TNIK: variants seen among roughly 807,000 people sequenced by gnomAD.
TNIK encodes the protein TRAF2 and NCK-interacting protein kinase.
TNIK carries 49 observed loss-of-function variants against 191.3 expected under a neutral mutation model. That is an observed-to-expected ratio of 0.26 (90% CI 0.20 to 0.32). TNIK has a LOEUF of 0.32. TNIK is among the 10% of genes least tolerant of loss of function. The pLI is 1.00. For missense variants in TNIK, 1,155 were observed against 1,702.3 expected (o/e 0.68, Z 5.66); for synonymous variants, 594 against 600.9 (o/e 0.99, Z 0.17).
intron 2 of TNIK, among the ~76,000 whole-genome samples, chr3:171,309,979 T>C (rs1355985986): frequency 6.6e-6 from 1 of 152,174 alleles, no homozygotes; most frequent in African/African-American, 2.4e-5. Flanking sequence ...AAATCCTTTT[T>C]CTGAAATCCC....
intron 3 of TNIK, among the ~76,000 whole-genome samples, chr3:171,220,883 G>T (rs542042374): frequency 1.3e-5 from 2 of 152,250 alleles, no homozygotes; most frequent in East Asian, 3.9e-4. Context: ...TTGCACTTAA[G>T]CAATGTATCT....
chr3:171,418,622 A>G (rs1329105115), intron 1 of TNIK, among the ~76,000 whole-genome samples: 1 of 152,242 alleles, frequency 6.6e-6, no homozygotes, highest in African/African-American at 2.4e-5. Flanking sequence ...TGAAATTTCC[A>G]GAACAGAGAA....
chr3:171,256,182 T>C (rs1367023958), intron 2 of TNIK, among the ~76,000 whole-genome samples: 1 of 152,224 alleles, frequency 6.6e-6, no homozygotes, highest in African/African-American at 2.4e-5. Context: ...CCTTGTTTTT[T>C]TTCATCAATT....
intron 28 of TNIK, among the ~76,000 whole-genome samples, chr3:171,073,704 C>T (rs1269466846): frequency 6.6e-6 from 1 of 152,058 alleles, no homozygotes; most frequent in Non-Finnish European, 1.5e-5. Flanking sequence ...GACATGAACA[C>T]ACATTTCTCA....
chr3:171,374,378 G>A (rs1356332360), intron 1 of TNIK, among the ~76,000 whole-genome samples: 1 of 152,188 alleles, frequency 6.6e-6, no homozygotes, highest in Non-Finnish European at 1.5e-5. Context: ...CCAACAGAAT[G>A]TGCAGCAAGG....
intron 1 of TNIK, among the ~76,000 whole-genome samples, chr3:171,431,054 G>A (rs952641122): frequency 2.6e-5 from 4 of 152,026 alleles, no homozygotes; most frequent in African/African-American, 9.7e-5. Context: ...TCATAGGTCC[G>A]TCCTGCTTGT....
chr3:171,232,412 G>GATA (rs1251592283), intron 2 of TNIK, among the ~76,000 whole-genome samples: 1 of 151,656 alleles, frequency 6.6e-6, no homozygotes, highest in Non-Finnish European at 1.5e-5. Context: ...TCTAAAAGGA[G>GATA]ATAAAAGAGT....
chr3:171,364,741 A>G (rs1715454457), intron 2 of TNIK, among the ~76,000 whole-genome samples: 1 of 152,184 alleles, frequency 6.6e-6, no homozygotes, highest in African/African-American at 2.4e-5. Context: ...AAGCAGAGGC[A>G]GTGGCTAGCT....
intron 16 of TNIK, among the ~76,000 whole-genome samples, chr3:171,127,781 A>G (rs1015793501): frequency 5.9e-5 from 9 of 152,246 alleles, no homozygotes; most frequent in African/African-American, 2.2e-4. Context: ...AGGCAAACTG[A>G]AAACACAAAG....
intron 2 of TNIK, among the ~76,000 whole-genome samples, chr3:171,275,312 T>C (rs1749597448): frequency 6.6e-6 from 1 of 152,072 alleles, no homozygotes; most frequent in South Asian, 2.1e-4. Flanking sequence ...ACCAGTTATA[T>C]GAAGAAAGCC....
At chr3:171,294,747 G>A (rs1752070832) in intron 2 of TNIK, among the ~76,000 whole-genome samples, 1 of 151,874 alleles carries the variant, frequency 6.6e-6, no homozygotes, top group African/African-American at 2.4e-5. Context: ...AATAATGAAT[G>A]ACAGTATAAG....
intron 1 of TNIK, among the ~76,000 whole-genome samples, chr3:171,431,544 C>T (rs1725395581): frequency 6.6e-6 from 1 of 151,906 alleles, no homozygotes; most frequent in African/African-American, 2.4e-5. Context: ...TTTAATGAGC[C>T]TACATTAAGT....
At chr3:171,099,187 A>T (rs1576800216) in intron 22 of TNIK, among the ~76,000 whole-genome samples, 1 of 152,016 alleles carries the variant, frequency 6.6e-6, no homozygotes, top group African/African-American at 2.4e-5. Context: ...TCTCCCTCAA[A>T]TATAACACTG....
intron 22 of TNIK, among the ~76,000 whole-genome samples, chr3:171,099,521 C>T (rs371864929): frequency 2.6e-5 from 4 of 152,158 alleles, no homozygotes; most frequent in South Asian, 2.1e-4. Flanking sequence ...CACCATGGAA[C>T]GTGTTAAGAG....
At chr3:171,271,209 C>T (rs1182734778) in intron 2 of TNIK, among the ~76,000 whole-genome samples, 1 of 152,210 alleles carries the variant, frequency 6.6e-6, no homozygotes, top group Admixed American at 6.5e-5. Flanking sequence ...ACGTTTCCTA[C>T]CTGTGTTGCC....
intron 2 of TNIK, among the ~76,000 whole-genome samples, chr3:171,287,214 CA>C (rs571026273): frequency 4.0e-5 from 6 of 151,404 alleles, no homozygotes; most frequent in African/African-American, 1.2e-4. Context: ...ACAGAAACAA[CA>C]AAAAAAACCC....
intron 12 of TNIK, among the ~76,000 whole-genome samples, chr3:171,144,501 CAT>C (rs2108650877): frequency 6.6e-6 from 1 of 152,172 alleles, no homozygotes; most frequent in African/African-American, 2.4e-5. Flanking sequence ...TTATGATTGA[CAT>C]GTAATAATTG....
chr3:171,296,961 A>C (rs995312758), intron 2 of TNIK, among the ~76,000 whole-genome samples: 2 of 152,176 alleles, frequency 1.3e-5, no homozygotes, highest in Non-Finnish European at 2.9e-5. Context: ...ATATAACAGG[A>C]AGAACTTAAT....
chr3:171,408,717 A>G (rs1722023064), intron 1 of TNIK, among the ~76,000 whole-genome samples: 2 of 152,172 alleles, frequency 1.3e-5, no homozygotes, highest in East Asian at 1.9e-4. Context: ...CCTACCAGAC[A>G]TACAACACAA....
Sources: allele counts gnomAD v4.1 joint callset (sites outside exome capture counted in the v4.1 genomes callset), GRCh38; gene constraint gnomAD v4.1.1; transcripts MANE v1.5; gene names NCBI Gene and HGNC (gene_info 2026-07-23, HGNC 2026-07-21).